The following ROBO1 variants were observed in gnomAD, a reference collection of about 807,000 sequenced individuals.
The protein encoded by ROBO1 is roundabout homolog 1.
In ROBO1, 149 loss-of-function variants were observed where a neutral mutation model predicts 195.9. The ratio of observed to expected loss-of-function variants is 0.76; its 90% CI spans 0.67 to 0.87. The LOEUF (loss-of-function observed/expected upper bound fraction) is 0.87. Among genes scored for constraint, ROBO1 ranks in the 40% least tolerant of loss-of-function variants. The pLI, the probability that ROBO1 is intolerant of heterozygous loss-of-function variation, is 0.00. For synonymous variants in ROBO1, 816 were observed against 733.2 expected (o/e 1.11, Z -1.82); for missense variants, 1,933 against 2,068.3 (o/e 0.93, Z 1.27).
At chr3:79,457,037 T>C (rs1420701846) in intron 2 of ROBO1, among the ~76,000 whole-genome samples, 1 of 152,216 alleles carries the variant, frequency 6.6e-6, no homozygotes, top group Non-Finnish European at 1.5e-5. Flanking sequence ...TAACTCCAAG[T>C]AATTTAATAC....
intron 3 of ROBO1, among the ~76,000 whole-genome samples, chr3:78,977,142 T>C (rs745446919): frequency 8.5e-5 from 13 of 152,206 alleles, no homozygotes; most frequent in Non-Finnish European, 1.5e-4. Context: ...ATTTCCAATT[T>C]TCTACAGATT....
chr3:78,608,796 G>A (rs866598030), intron 28 of ROBO1, among the ~76,000 whole-genome samples: 2 of 152,146 alleles, frequency 1.3e-5, no homozygotes, highest in Non-Finnish European at 2.9e-5. Flanking sequence ...GTACAGGGGT[G>A]GGGGGAGGAA....
At chr3:79,613,639 A>ATTGTGT (rs1944731835) in intron 1 of ROBO1, among the ~76,000 whole-genome samples, 1 of 152,214 alleles carries the variant, frequency 6.6e-6, no homozygotes, top group Admixed American at 6.5e-5. Context: ...TTATATTATA[A>ATTGTGT]GATCTCTAAA....
rs187834769 is a variant in ROBO1 at position 78,944,564 on chromosome 3, G to C, written c.173-5637C>G. ...AAGATGGCCGAATAGGAACAGCTCCGGTCTACAGCTCCCAGGGGGAGCAAC... is the reference window on the plus strand; with the variant it reads ...AAGATGGCCGAATAGGAACAGCTCCCGTCTACAGCTCCCAGGGGGAGCAAC... On this transcript the variant is annotated intron_variant, in intron 3 of 30. Transcript: ENST00000464233. Among the ~76,000 whole-genome samples, 80 of 152,188 alleles carry C rather than the reference G, an allele frequency of 5.3e-4. 2 individuals carry two copies. Among genetic ancestry groups the C allele is most frequent in the Admixed American group, 2.4e-3 (36 of 15,296 alleles).
intron 2 of ROBO1, among the ~76,000 whole-genome samples, chr3:79,256,834 G>A (rs1274152047): frequency 6.6e-6 from 1 of 152,128 alleles, no homozygotes; most frequent in Non-Finnish European, 1.5e-5. Context: ...TTATTTTGGT[G>A]TAGGAGCTCC....
At chr3:79,511,285 A>C (rs960944804) in intron 2 of ROBO1, among the ~76,000 whole-genome samples, 5 of 152,192 alleles carry the variant, frequency 3.3e-5, no homozygotes, top group African/African-American at 1.2e-4. Context: ...TTTCAACTTC[A>C]TCAGTAAATT....
chr3:79,642,002 G>C (rs920801716), intron 1 of ROBO1, among the ~76,000 whole-genome samples: 19 of 152,166 alleles, frequency 1.2e-4, no homozygotes, highest in African/African-American at 4.6e-4. Context: ...CTGGGTGACA[G>C]AGTGAGAGAC....
chr3:79,469,810 T>G (rs1285398192), intron 2 of ROBO1, among the ~76,000 whole-genome samples: 1 of 152,138 alleles, frequency 6.6e-6, no homozygotes, highest in African/African-American at 2.4e-5. Flanking sequence ...TACAACAATT[T>G]GAACTAAGGA....
chr3:79,456,373 A>G (rs1353671781), intron 2 of ROBO1, among the ~76,000 whole-genome samples: 1 of 152,170 alleles, frequency 6.6e-6, no homozygotes, highest in African/African-American at 2.4e-5. Flanking sequence ...ACTGAGAATC[A>G]AGAAAGTCAC....
intron 2 of ROBO1, among the ~76,000 whole-genome samples, chr3:79,191,555 A>G (rs564309758): frequency 1.3e-5 from 2 of 151,438 alleles, no homozygotes; most frequent in South Asian, 4.1e-4. Flanking sequence ...AAATATTAAT[A>G]TAAAATATAA....
chr3:79,090,789 G>C lies in ROBO1; in HGVS notation c.172+34667C>G, dbSNP rs145920973. 8.4e-3 allele frequency among the ~76,000 whole-genome samples: 1,286 copies of C among 152,204 alleles called. 19 individuals carry two copies. The highest frequency in any genetic ancestry group is 0.029 in the African/African-American group (1,216 of 41,530). On this transcript the variant is annotated intron_variant, in intron 3 of 30. Coordinates refer to ENST00000464233, the MANE Select transcript of ROBO1 (RefSeq NM_002941.4). ...ACATTGTAAGCACTCAGTAAATGAT[G>C]ATTCCAGTCATCACTGATAGTATTG... is the stretch of plus-strand genomic sequence containing the variant.
intron 21 of ROBO1, 31 bp from the exon 22 acceptor site, chr3:78,639,929 T>TTA: frequency 1.6e-5 from 23 of 1,483,774 alleles, no homozygotes; most frequent in Non-Finnish European, 2.0e-5. Flanking sequence ...AAAGCAAATG[T>TTA]TATATGAATA....
In ROBO1 at chr3:79,242,939, A is replaced by T. The variant is rs545494748; in HGVS notation, c.89-117400T>A. On this transcript the variant is annotated intron_variant, in intron 2 of 30. Coordinates refer to ENST00000464233, the MANE Select transcript of ROBO1 (RefSeq NM_002941.4). The stretch of plus-strand genomic sequence containing the variant: ...GTTGGTGTGCTGCACCTATTAACTC[A>T]TCATTTAACATTAGGTATATCTCCT... Among the ~76,000 whole-genome samples, 9 of 151,182 alleles carry T rather than the reference A, an allele frequency of 6.0e-5. No homozygotes were observed. The East Asian group carries it at 1.8e-3, about 30-fold the overall frequency.
At chr3:79,199,032 C>T (rs2081705312) in intron 2 of ROBO1, among the ~76,000 whole-genome samples, 1 of 151,854 alleles carries the variant, frequency 6.6e-6, no homozygotes, top group African/African-American at 2.4e-5. Flanking sequence ...ATTTCTCTTG[C>T]CTGATTGCCC....
intron 2 of ROBO1, among the ~76,000 whole-genome samples, chr3:79,539,841 A>G (rs1942000086): frequency 6.6e-6 from 1 of 152,106 alleles, no homozygotes; most frequent in Non-Finnish European, 1.5e-5. Context: ...GGACTTCTTC[A>G]GCATAAAAAT....
intron 2 of ROBO1, among the ~76,000 whole-genome samples, chr3:79,153,104 T>G (rs914828796): frequency 6.6e-6 from 1 of 151,678 alleles, no homozygotes; most frequent in Non-Finnish European, 1.5e-5. Context: ...CGGATGTGTG[T>G]GCATTGAGGG....
At chr3:78,712,835 T>G (rs981232209) in intron 8 of ROBO1, among the ~76,000 whole-genome samples, 8 of 152,198 alleles carry the variant, frequency 5.3e-5, no homozygotes, top group African/African-American at 1.9e-4. Context: ...ATGTCTACTG[T>G]ATACACAGTA....
intron 4 of ROBO1, among the ~76,000 whole-genome samples, chr3:78,783,990 G>A (rs558130577): frequency 1.3e-5 from 2 of 152,150 alleles, no homozygotes; most frequent in South Asian, 2.1e-4. Flanking sequence ...GAACTAGCAG[G>A]TTTTTAAGCA....
intron 2 of ROBO1, among the ~76,000 whole-genome samples, chr3:79,464,780 T>C (rs1221342784): frequency 6.6e-6 from 1 of 152,214 alleles, no homozygotes; most frequent in Non-Finnish European, 1.5e-5. Flanking sequence ...TTATGTGCTA[T>C]GGCTTTTGAA....
Sources: allele counts gnomAD v4.1 joint callset (sites outside exome capture counted in the v4.1 genomes callset), GRCh38; gene constraint gnomAD v4.1.1; transcripts MANE v1.5; gene names NCBI Gene and HGNC (gene_info 2026-07-23, HGNC 2026-07-21).